Variants in HSD17B11 observed in about 807,000 individuals in gnomAD.
The protein encoded by HSD17B11 is hydroxysteroid 17-beta dehydrogenase 11, also known as estradiol 17-beta-dehydrogenase 11.
In HSD17B11, 22 loss-of-function variants were observed where a neutral mutation model predicts 27.8. The ratio of observed to expected loss-of-function variants is 0.79; its 90% CI spans 0.56 to 1.13. HSD17B11 has a LOEUF of 1.13. Among genes scored for constraint, HSD17B11 ranks in the 50% most tolerant of loss-of-function variants. The pLI is 0.00. For missense variants in HSD17B11, 314 were observed against 351.1 expected, an observed-to-expected ratio of 0.89 and a Z score of 0.84; for synonymous variants, 117 against 132.8, an observed-to-expected ratio of 0.88 and a Z score of 0.82.
Position 87,374,746 on chromosome 4 carries a change from G to A in HSD17B11, c.403C>T (p.Pro135Ser), listed in dbSNP as rs1018016856. The change falls in exon 3 of 7, where the codon CCT becomes TCT. Residue 135 changes from proline (P) to serine (S), a missense_variant. By Grantham distance (74) the Pro-to-Ser change is moderately conservative. Transcript: ENST00000358290. ...YTSDLFATQD[P>S]QIEKTFEVNV... ...ACTTCAAAAGTCTTTTCAATCTGAG[G>A]ATCTTGTGTAGCAAACAAATCTGAT... 11 of 1,609,636 alleles carry A rather than the reference G, an allele frequency of 6.8e-6. No homozygotes were observed. The highest frequency in any genetic ancestry group is 1.7e-4 in the Middle Eastern group (1 of 6,052).
In HSD17B11 at chr4:87,357,407, C is replaced by T. The variant is rs781755104; in HGVS notation, c.567G>A (p.Lys189=). 11 of 1,607,060 alleles carry T rather than the reference C, an allele frequency of 6.8e-6. No individual in the cohort carries two copies. The highest frequency in any genetic ancestry group is 6.7e-5 in the East Asian group (3 of 44,856). The change falls in exon 5 of 7, where the codon AAG becomes AAA. Residue 189 remains lysine, a synonymous_variant. Transcript: ENST00000358290. Reference sequence around the variant, plus strand: ...TTTTATGAAATCCAACAGCAGCAAACTTGCTTGAACTGAAAATAGAGAGTT... The same window carrying T: ...TTTTATGAAATCCAACAGCAGCAAATTTGCTTGAACTGAAAATAGAGAGTT... ...VPFLLAYCSS[K]FAAVGFHKTL...
intron 5 of HSD17B11, among the ~76,000 whole-genome samples, chr4:87,343,232 AG>A (rs1280835374): frequency 6.6e-6 from 1 of 152,244 alleles, no homozygotes; most frequent in Non-Finnish European, 1.5e-5. Flanking sequence ...CCAAAAGAAA[AG>A]GCTTTCAGAA....
At position 87,353,916 on chromosome 4, in the gene HSD17B11, G is replaced by GCTTA. The variant is rs577843080; in HGVS notation, c.695+3359_695+3362dup. On this transcript the variant is annotated intron_variant, in intron 5 of 6. Transcript: ENST00000358290. ...AACATCTGCTTTCAGTTTTAGTGAA[G>GCTTA]CTTATCCTCACTACTTTCATTCCTC... Among the ~76,000 whole-genome samples, 488 of 152,212 alleles carry GCTTA rather than the reference G, an allele frequency of 3.2e-3. 2 individuals carry two copies. Among genetic ancestry groups the GCTTA allele is most frequent in the African/African-American group, 0.011 (451 of 41,546 alleles).
intron 4 of HSD17B11, among the ~76,000 whole-genome samples, chr4:87,368,870 C>T (rs1239019634): frequency 6.6e-6 from 1 of 152,222 alleles, no homozygotes; most frequent in African/African-American, 2.4e-5. Context: ...AAAGGGGAGG[C>T]ATGAATAACA....
At chr4:87,381,735 G>C (rs902978573) in intron 2 of HSD17B11, among the ~76,000 whole-genome samples, 1 of 146,282 alleles carries the variant, frequency 6.8e-6, no homozygotes, top group African/African-American at 2.6e-5. Context: ...CTCCAACCTG[G>C]GTAACAGAGT....
At chr4:87,361,257 G>A (rs1225040565) in intron 4 of HSD17B11, among the ~76,000 whole-genome samples, 4 of 152,196 alleles carry the variant, frequency 2.6e-5, no homozygotes, top group South Asian at 4.2e-4. Flanking sequence ...ACCTCTGGTC[G>A]TCCTCACTGC....
At chr4:87,373,336 TA>T (rs11314228) in intron 3 of HSD17B11, 53,596 of 148,312 alleles carry the variant, frequency 0.36, 10,810 homozygotes, top group African/African-American at 0.54. Context: ...TGAGACTGTT[TA>T]AAAAAAAAAA....
At chr4:87,338,214 C>A (rs1447855012) in intron 6 of HSD17B11, among the ~76,000 whole-genome samples, 1 of 150,822 alleles carries the variant, frequency 6.6e-6, no homozygotes, top group Admixed American at 6.6e-5. Context: ...GAGACTCCGT[C>A]CCCCACAGCA....
chr4:87,375,525 TGTGGTCCGGAG>T (rs887253067), intron 2 of HSD17B11, among the ~76,000 whole-genome samples: 2 of 152,186 alleles, frequency 1.3e-5, no homozygotes, highest in African/African-American at 4.8e-5. Context: ...GTGGATCACC[TGTGGTCCGGAG>T]TTTGAGACCA....
intron 2 of HSD17B11, among the ~76,000 whole-genome samples, chr4:87,378,363 T>C (rs1480214242): frequency 6.6e-6 from 1 of 152,132 alleles, no homozygotes; most frequent in Non-Finnish European, 1.5e-5. Context: ...TGTGGGTACA[T>C]AGTAGTGTAT....
intron 4 of HSD17B11, among the ~76,000 whole-genome samples, chr4:87,358,172 AG>A (rs1368518472): frequency 6.6e-6 from 1 of 152,064 alleles, no homozygotes; most frequent in Non-Finnish European, 1.5e-5. Flanking sequence ...CATGTTAGCC[AG>A]GATGGTCTCG....
chr4:87,379,575 T>C (rs896801901), intron 2 of HSD17B11, among the ~76,000 whole-genome samples: 3 of 146,248 alleles, frequency 2.1e-5, no homozygotes, highest in Non-Finnish European at 3.0e-5. Flanking sequence ...ACATCTCATA[T>C]ATACATACAC....
intron 4 of HSD17B11, among the ~76,000 whole-genome samples, chr4:87,361,494 A>C (rs1365722998): frequency 6.6e-6 from 1 of 152,166 alleles, no homozygotes; most frequent in African/African-American, 2.4e-5. Flanking sequence ...TCGGCCGGGC[A>C]TGGTGGCTCA....
At chr4:87,382,205 C>T in intron 2 of HSD17B11, 50 bp downstream of exon 2, 1 of 1,373,468 alleles carries the variant, frequency 7.3e-7, no homozygotes, top group Non-Finnish European at 1.0e-6. Context: ...ATCTCCAAAA[C>T]ACCTCCTAGC....
At chr4:87,358,558 C>T (rs76769133) in intron 4 of HSD17B11, among the ~76,000 whole-genome samples, 7,859 of 152,070 alleles carry the variant, frequency 0.052, 692 homozygotes, top group African/African-American at 0.18. Flanking sequence ...ACTTAATGTA[C>T]ACAATTAAAT....
chr4:87,359,756 G>A (rs182742516), intron 4 of HSD17B11, among the ~76,000 whole-genome samples: 13 of 152,256 alleles, frequency 8.5e-5, no homozygotes, highest in Admixed American at 2.6e-4. Flanking sequence ...AGGTAAAGAT[G>A]GGTTATCAAA....
chr4:87,370,420 T>C (rs1466674758), intron 4 of HSD17B11, among the ~76,000 whole-genome samples: 1 of 151,992 alleles, frequency 6.6e-6, no homozygotes, highest in Admixed American at 6.6e-5. Context: ...ATTATTATTA[T>C]TATTATTATT....
intron 6 of HSD17B11, among the ~76,000 whole-genome samples, chr4:87,338,526 G>A (rs994591303): frequency 6.6e-6 from 1 of 152,088 alleles, no homozygotes; most frequent in Non-Finnish European, 1.5e-5. Flanking sequence ...AATGTACTGA[G>A]TACTTTTTAT....
At chr4:87,357,784 A>C (rs1735413730) in intron 4 of HSD17B11, among the ~76,000 whole-genome samples, 1 of 152,074 alleles carries the variant, frequency 6.6e-6, no homozygotes, top group African/African-American at 2.4e-5. Flanking sequence ...AATTTGCTGA[A>C]AACTTTTCCT....
Sources: allele counts gnomAD v4.1 joint callset (sites outside exome capture counted in the v4.1 genomes callset), GRCh38; gene constraint gnomAD v4.1.1; transcripts MANE v1.5; gene names NCBI Gene and HGNC (gene_info 2026-07-23, HGNC 2026-07-21).